ARHGAP32: variants seen among roughly 807,000 people sequenced by gnomAD.
ARHGAP32 encodes the protein rho GTPase-activating protein 32.
Under a neutral mutation model 186.5 loss-of-function variants are expected in ARHGAP32, and 51 were observed. The observed-to-expected ratio is 0.27, with a 90% CI of 0.22 to 0.35. The LOEUF is 0.35. Ranked by LOEUF, ARHGAP32 falls within the 10% of genes least tolerant of loss-of-function variation. The probability of loss-of-function intolerance (pLI) is 1.00; values close to 1 mark genes in which losing one functional copy is unlikely to be tolerated. For missense variants in ARHGAP32, 2,186 were observed against 2,623.5 expected, an observed-to-expected ratio of 0.83 and a Z score of 3.64; for synonymous variants, 950 against 964.3, an observed-to-expected ratio of 0.99 and a Z score of 0.27.
intron 11 of ARHGAP32, chr11:129,023,772 C>T: frequency 2.0e-6 from 1 of 499,486 alleles, no homozygotes; most frequent in South Asian, 8.7e-5. Context: ...TAACATGTGC[C>T]CAAATATAAT....
intron 5 of ARHGAP32, among the ~76,000 whole-genome samples, chr11:129,103,056 A>G (rs1941945931): frequency 6.6e-6 from 1 of 152,216 alleles, no homozygotes; most frequent in Admixed American, 6.5e-5. Flanking sequence ...ATGAAATATT[A>G]TTCAGCCTCA....
chr11:129,064,083 A>G (rs1362742041), intron 8 of ARHGAP32, 59 bp from the exon 9 acceptor site: 1 of 1,463,448 alleles, frequency 6.8e-7, no homozygotes, highest in African/African-American at 1.4e-5. Context: ...TGCTTCTTTG[A>G]CTATCTATAA....
At chr11:129,069,691 A>G (rs150948317) in intron 6 of ARHGAP32, among the ~76,000 whole-genome samples, 1 of 152,152 alleles carries the variant, frequency 6.6e-6, no homozygotes, top group Non-Finnish European at 1.5e-5. Flanking sequence ...CCTGGTGATC[A>G]TTCACTTATG....
At chr11:128,979,778 A>G (rs1265635422) in intron 18 of ARHGAP32, among the ~76,000 whole-genome samples, 3 of 152,228 alleles carry the variant, frequency 2.0e-5, no homozygotes, top group African/African-American at 7.2e-5. Context: ...CAAAATCCTT[A>G]CATTCATGTG....
chr11:129,147,715 A>G (rs1417395460), intron 2 of ARHGAP32, among the ~76,000 whole-genome samples: 1 of 152,206 alleles, frequency 6.6e-6, no homozygotes, highest in Non-Finnish European at 1.5e-5. Context: ...CTATAAGAGT[A>G]TGGTAATTTT....
chr11:129,062,211 C>T, intron 10 of ARHGAP32, 69 bp downstream of exon 10: 1 of 1,381,464 alleles, frequency 7.2e-7, no homozygotes, highest in Non-Finnish European at 1.0e-6. Context: ...CACATGTAAA[C>T]AAAAGTATTA....
intron 10 of ARHGAP32, among the ~76,000 whole-genome samples, chr11:129,046,809 T>A (rs923902239): frequency 6.6e-6 from 1 of 152,080 alleles, no homozygotes; most frequent in African/African-American, 2.4e-5. Flanking sequence ...ATAACGATCA[T>A]GTGCTTATCG....
intron 10 of ARHGAP32, among the ~76,000 whole-genome samples, chr11:129,049,506 T>C (rs1470469371): frequency 1.3e-5 from 2 of 152,202 alleles, no homozygotes; most frequent in African/African-American, 4.8e-5. Flanking sequence ...AAAGTTTCCT[T>C]ATATCTCTTT....
chr11:129,007,610 T>C (rs887132242), intron 11 of ARHGAP32, among the ~76,000 whole-genome samples: 1 of 151,984 alleles, frequency 6.6e-6, no homozygotes, highest in Middle Eastern at 3.2e-3. Flanking sequence ...AAGTCCTCTT[T>C]AATTTTCCTT....
chr11:129,151,607 C>T (rs1205363066), intron 2 of ARHGAP32, among the ~76,000 whole-genome samples: 2 of 152,016 alleles, frequency 1.3e-5, no homozygotes, highest in African/African-American at 4.8e-5. Context: ...AAATAATCTG[C>T]TCTTCAATGA....
intron 2 of ARHGAP32, among the ~76,000 whole-genome samples, chr11:129,143,801 T>G (rs1048005387): frequency 6.6e-6 from 1 of 152,196 alleles, no homozygotes; most frequent in Non-Finnish European, 1.5e-5. Context: ...GTGAACAGTA[T>G]ATCATTATAA....
rs1274495789 is a variant in ARHGAP32, at chr11:129,259,107, A to C, written c.-5+20039T>G. Among the ~76,000 whole-genome samples the C allele has an allele frequency of 2.0e-5, 3 of 152,204 alleles. No individual in the cohort carries two copies. The East Asian group carries it at 5.8e-4, about 29-fold the overall frequency. On this transcript the variant is annotated intron_variant, in intron 1 of 6. Coordinates refer to the ARHGAP32 transcript ENST00000525234. ...TGATGGGAAAAAGGAACCACTTCAA[A>C]ACACATGCACTATGTAATGGCAAAT...
intron 5 of ARHGAP32, among the ~76,000 whole-genome samples, chr11:129,094,200 G>T (rs1005202092): frequency 1.3e-5 from 2 of 151,962 alleles, no homozygotes; most frequent in Non-Finnish European, 2.9e-5. Context: ...AATAATAATT[G>T]TACAGTTTAA....
In ARHGAP32 at chr11:129,169,747, C is replaced by T. The variant is rs1055398452; in HGVS notation, c.117-5320G>A. 3.3e-5 allele frequency among the ~76,000 whole-genome samples: 5 copies of T among 151,446 alleles called. No homozygotes were observed. In the South Asian group the frequency reaches 6.3e-4, roughly 19 times the overall value. On this transcript the variant is annotated intron_variant, in intron 1 of 22. Coordinates refer to ENST00000682385, the MANE Select transcript of ARHGAP32 (RefSeq NM_001378024.1). ...CCTCTGAGGAACCCAATTCACCAAA[C>T]CTGAAACAATAAACAAAAAGATTTG...
At chr11:129,092,563 C>T (rs1355646209) in intron 6 of ARHGAP32, among the ~76,000 whole-genome samples, 1 of 151,826 alleles carries the variant, frequency 6.6e-6, no homozygotes, top group Non-Finnish European at 1.5e-5. Flanking sequence ...AGGTGACATG[C>T]AATAAAACAT....
intron 1 of ARHGAP32, among the ~76,000 whole-genome samples, chr11:129,203,817 G>A (rs1326554326): frequency 6.7e-6 from 1 of 149,962 alleles, no homozygotes; most frequent in African/African-American, 2.4e-5. Flanking sequence ...TGAGAGGCTT[G>A]AGCCCAGGAG....
intron 10 of ARHGAP32, among the ~76,000 whole-genome samples, chr11:129,058,646 G>A (rs747931961): frequency 1.2e-4 from 19 of 152,194 alleles, no homozygotes; most frequent in African/African-American, 3.1e-4. Context: ...AAGGCCCAGC[G>A]TTTCCCACTT....
intron 11 of ARHGAP32, among the ~76,000 whole-genome samples, chr11:129,011,763 T>C (rs1377385669): frequency 6.6e-6 from 1 of 152,204 alleles, no homozygotes; most frequent in Non-Finnish European, 1.5e-5. Context: ...GGTTGGCTTT[T>C]TTTTTATTTT....
chr11:129,040,365 A>C (rs915519249), intron 11 of ARHGAP32, among the ~76,000 whole-genome samples: 13 of 152,158 alleles, frequency 8.5e-5, no homozygotes, highest in Non-Finnish European at 4.4e-5. Flanking sequence ...AAAGTTTCAG[A>C]TGAGGCATTC....
Sources: gnomAD v4.1 joint callset for allele counts (sites outside exome capture counted in the v4.1 genomes callset) on GRCh38, gnomAD v4.1.1 for gene constraint, MANE v1.5 for transcripts, NCBI Gene and HGNC (gene_info 2026-07-23, HGNC 2026-07-21) for gene names.